Variants in DPP6 observed in about 807,000 individuals in gnomAD.
DPP6 encodes the protein dipeptidyl peptidase like 6.
Under a neutral mutation model 122.6 loss-of-function variants are expected in DPP6, and 69 were observed. That is an observed-to-expected ratio of 0.56 (90% CI 0.46 to 0.69). The LOEUF (loss-of-function observed/expected upper bound fraction) is 0.69, where lower values mean the gene tolerates loss of function less well. Among genes scored for constraint, DPP6 ranks in the 30% least tolerant of loss-of-function variants. The probability of loss-of-function intolerance (pLI) is 0.00; values close to 1 mark genes in which losing one functional copy is unlikely to be tolerated. For synonymous variants in DPP6, 418 were observed against 433.1 expected, an observed-to-expected ratio of 0.97 and a Z score of 0.43; for missense variants, 928 against 1,116.9, an observed-to-expected ratio of 0.83 and a Z score of 2.41.
In DPP6 at chr7:154,481,897, C is replaced by G. The variant is rs576906924; in HGVS notation, c.457+6860C>G. Among the ~76,000 whole-genome samples, 163 of 152,322 alleles carry G rather than the reference C, an allele frequency of 1.1e-3. 1 individual carries two copies. The highest frequency in any genetic ancestry group is 6.9e-3 in the South Asian group (33 of 4,816). ...TAATTATTTATGAATGTAAACTCCA[C>G]AAGGATGGGACTCGCATCTCTGTTT... On this transcript the variant is annotated intron_variant, in intron 3 of 25. Coordinates refer to ENST00000377770, the MANE Select transcript of DPP6 (RefSeq NM_130797.4). This position sits in a 1 kb window ranked among gnomAD's most constrained non-coding sequence, Gnocchi z 4.2.
intron 1 of DPP6, among the ~76,000 whole-genome samples, chr7:154,010,818 T>C (rs1470841963): frequency 6.6e-6 from 1 of 152,214 alleles, no homozygotes; most frequent in African/African-American, 2.4e-5. Flanking sequence ...AGAACAGGCT[T>C]TCATGCCAGA....
chr7:154,170,156 A>G (rs1260588489), intron 1 of DPP6, among the ~76,000 whole-genome samples: 1 of 152,114 alleles, frequency 6.6e-6, no homozygotes, highest in African/African-American at 2.4e-5. Flanking sequence ...TAGTGGGGCC[A>G]CAGTCAACAG....
At chr7:154,862,577 C>T (rs1375523549) in intron 17 of DPP6, among the ~76,000 whole-genome samples, 1 of 152,186 alleles carries the variant, frequency 6.6e-6, no homozygotes, top group Non-Finnish European at 1.5e-5. Flanking sequence ...TCTCTACTAC[C>T]TAATGCGGGA....
intron 8 of DPP6, among the ~76,000 whole-genome samples, chr7:154,734,962 T>A (rs1207939295): frequency 1.3e-5 from 2 of 152,242 alleles, no homozygotes; most frequent in African/African-American, 4.8e-5. Flanking sequence ...CTACTATTGC[T>A]TTACCTTGTA....
chr7:154,058,951 G>C (rs1585256609), intron 1 of DPP6: 1 of 151,458 alleles, frequency 6.6e-6, no homozygotes, highest in African/African-American at 2.5e-5. Flanking sequence ...CGCAGGGTGG[G>C]GGAGGCACCC....
the DPP6 span, among the ~76,000 whole-genome samples, chr7:153,801,533 G>A: frequency 6.6e-6 from 1 of 152,148 alleles, no homozygotes; most frequent in African/African-American, 2.4e-5. Flanking sequence ...GAAATCCTCA[G>A]AGTAGATTGT....
chr7:154,072,339 A>T (rs758074217), intron 1 of DPP6, among the ~76,000 whole-genome samples: 1 of 151,974 alleles, frequency 6.6e-6, no homozygotes, highest in Admixed American at 6.6e-5. Flanking sequence ...TAAACATCCT[A>T]TCCAGAGGTG....
Position 154,863,862 on chromosome 7 carries a change from T to C in DPP6, c.1715-4133T>C, listed in dbSNP as rs1803627425. On this transcript the variant is annotated intron_variant, in intron 17 of 25. Transcript: ENST00000377770. This position sits in a 1 kb window ranked among gnomAD's most constrained non-coding sequence, Gnocchi z 4.1. ...GAGATTTCCAGTTAAGGTGAGTAAG[T>C]TTAAACAGTAGTCATGCGGGCTCTG... Among the ~76,000 whole-genome samples, 1 of 151,672 alleles carries C rather than the reference T, an allele frequency of 6.6e-6. No homozygotes were observed. Among genetic ancestry groups the C allele is most frequent in the East Asian group, 1.9e-4 (1 of 5,140 alleles).
chr7:154,670,400 G>A (rs766832796), intron 7 of DPP6, among the ~76,000 whole-genome samples: 11 of 152,318 alleles, frequency 7.2e-5, no homozygotes, highest in Admixed American at 1.3e-4. Context: ...TCTCACTGCC[G>A]AGCTGGCCTT....
intron 5 of DPP6, among the ~76,000 whole-genome samples, chr7:154,630,979 TA>T (rs1271895449): frequency 6.6e-6 from 1 of 151,968 alleles, no homozygotes; most frequent in African/African-American, 2.4e-5. Context: ...AAATTTCACC[TA>T]AAAAAAAGAA....
intron 1 of DPP6, among the ~76,000 whole-genome samples, chr7:154,295,213 C>A (rs1274936289): frequency 6.6e-6 from 1 of 152,216 alleles, no homozygotes. Context: ...GGTCTCCTCT[C>A]ATGATTGCCT....
rs976693610 is a variant in DPP6 at position 154,566,965 on chromosome 7, A to G, written c.627+49A>G. ...ACAAAATAATTGTTTCTTTATTCTA[A>G]TATCTCATTAAGTATATTTCCTTGA... On this transcript the variant is annotated intron_variant, in intron 5 of 25. Transcript: ENST00000377770. 2.3e-6 allele frequency: 3 copies of G among 1,293,518 alleles called. No homozygotes were observed. The Admixed American group carries it at 5.4e-5, about 23-fold the overall frequency. 80.1% of individuals were successfully genotyped at this position (1,293,518 alleles called of 1,614,324 possible). A position where few individuals can be genotyped will look rare whatever the true frequency, so the allele number is the denominator to read the frequency against.
intron 22 of DPP6, among the ~76,000 whole-genome samples, chr7:154,887,369 T>C (rs1350375458): frequency 6.6e-6 from 1 of 152,230 alleles, no homozygotes; most frequent in East Asian, 1.9e-4. Flanking sequence ...GAGGAGGTTA[T>C]CCTACTTATT....
chr7:154,410,921 A>G (rs1313377306), intron 1 of DPP6, among the ~76,000 whole-genome samples: 1 of 152,216 alleles, frequency 6.6e-6, no homozygotes, highest in Non-Finnish European at 1.5e-5. Flanking sequence ...TTCCCTGAAA[A>G]ATACATGAAT....
chr7:154,549,235 T>C (rs1003684401), intron 4 of DPP6, among the ~76,000 whole-genome samples: 20 of 152,212 alleles, frequency 1.3e-4, no homozygotes, highest in Non-Finnish European at 2.6e-4. Flanking sequence ...CCAGAATCTG[T>C]TACAAGCCAG....
At chr7:154,299,861 C>T (rs528142773) in intron 1 of DPP6, among the ~76,000 whole-genome samples, 58 of 152,258 alleles carry the variant, frequency 3.8e-4, no homozygotes, top group African/African-American at 1.4e-3. Flanking sequence ...GAGTGTAAAT[C>T]AGAAGGGTGA....
chr7:153,885,634 C>T (rs1798882590), upstream of DPP6, among the ~76,000 whole-genome samples: 1 of 152,156 alleles, frequency 6.6e-6, no homozygotes, highest in Non-Finnish European at 1.5e-5. Context: ...GCATTTTACA[C>T]TATTTTGTTA....
chr7:154,191,938 G>C (rs567555934), intron 1 of DPP6, among the ~76,000 whole-genome samples: 1 of 152,288 alleles, frequency 6.6e-6, no homozygotes, highest in South Asian at 2.1e-4. Flanking sequence ...AGAAAGTAGA[G>C]TGTTTCCACT....
At chr7:154,274,890 G>A (rs770435028) in intron 1 of DPP6, among the ~76,000 whole-genome samples, 6 of 152,124 alleles carry the variant, frequency 3.9e-5, no homozygotes, top group Non-Finnish European at 8.8e-5. Context: ...TTTTAAATAC[G>A]AGCCCTTCAT....
Sources: allele counts gnomAD v4.1 joint callset (sites outside exome capture counted in the v4.1 genomes callset), GRCh38; gene constraint gnomAD v4.1.1; non-coding constraint Gnocchi (gnomAD v3.1); transcripts MANE v1.5; gene names NCBI Gene and HGNC (gene_info 2026-07-23, HGNC 2026-07-21).